CSMD2: variants seen among roughly 807,000 people sequenced by gnomAD.
CSMD2 encodes CUB and sushi domain-containing protein 2.
In CSMD2, 130 loss-of-function variants were observed where a neutral mutation model predicts 398.5. The ratio of observed to expected loss-of-function variants is 0.33; its 90% confidence interval spans 0.28 to 0.38. The LOEUF (loss-of-function observed/expected upper bound fraction) is 0.38, where lower values mean the gene tolerates loss of function less well. Among genes scored for constraint, CSMD2 ranks in the 10% least tolerant of loss-of-function variants. CSMD2 has a pLI of 1.00. For missense variants in CSMD2, 3,829 were observed against 4,764.9 expected (o/e 0.80, Z 5.78); for synonymous variants, 1,828 against 1,908.5 (o/e 0.96, Z 1.10).
At chr1:33,981,811 G>C (rs1646178484) in intron 3 of CSMD2, among the ~76,000 whole-genome samples, 1 of 152,248 alleles carries the variant, frequency 6.6e-6, no homozygotes, top group South Asian at 2.1e-4. Flanking sequence ...GGAGCTGAGA[G>C]CTGAGGAATG....
At chr1:33,894,383 A>G (rs560569700) in intron 5 of CSMD2, among the ~76,000 whole-genome samples, 4 of 152,246 alleles carry the variant, frequency 2.6e-5, no homozygotes, top group East Asian at 1.9e-4. Flanking sequence ...TTTTCCCCCA[A>G]TGCTAGGCCA....
chr1:33,698,766 C>A lies in CSMD2; in HGVS notation c.3912G>T (p.Leu1304=). The change falls in exon 24 of 71, where the codon CTG becomes CTT. Residue 1304 remains leucine, a synonymous_variant. Coordinates refer to ENST00000373381, the MANE Select transcript of CSMD2 (RefSeq NM_001281956.2). ...GAGCCCTCCTACCGACACAGGTGGG[C>A]AGAGGCCGGTCCCAGGTCCGGCGCT... ...SGERRTWDRP[L]PTCVAECGGT... 6.2e-7 allele frequency: 1 copy of A among 1,612,602 alleles called. No homozygotes were observed.
At chr1:33,521,409 G>C (rs913585673) in intron 68 of CSMD2, 54 bp downstream of exon 68, 2 of 1,151,172 alleles carry the variant, frequency 1.7e-6, no homozygotes, top group Admixed American at 3.4e-5. Flanking sequence ...CGGCACACAC[G>C]GTTTCTCTCC....
intron 46 of CSMD2, among the ~76,000 whole-genome samples, chr1:33,584,961 G>A (rs1570827372): frequency 6.6e-6 from 1 of 152,246 alleles, no homozygotes; most frequent in East Asian, 1.9e-4. Context: ...GTTCAGAGAG[G>A]CCCTTCCCCA....
chr1:33,842,880 T>C lies in CSMD2; in HGVS notation c.1033+4004A>G, dbSNP rs570246165. ...GACTGCTGCTTTAGACGCATGGAAG[T>C]AGTTGTGGTTCATTAGATGTGGTAG... On this transcript the variant is annotated intron_variant, in intron 6 of 70. Transcript: ENST00000373381. Among the ~76,000 whole-genome samples, 6 of 152,342 alleles carry C rather than the reference T, an allele frequency of 3.9e-5. No homozygotes were observed. The East Asian group carries it at 7.7e-4, about 20-fold the overall frequency.
intron 19 of CSMD2, among the ~76,000 whole-genome samples, chr1:33,721,645 G>A (rs962854042): frequency 3.9e-4 from 60 of 152,108 alleles, no homozygotes; most frequent in African/African-American, 1.3e-3. Flanking sequence ...TGTGGGAAGC[G>A]GACAATCCTG....
intron 59 of CSMD2, among the ~76,000 whole-genome samples, 186 bp from the exon 60 acceptor site, chr1:33,540,884 G>A (rs1570667598): frequency 1.3e-5 from 2 of 152,126 alleles, no homozygotes; most frequent in South Asian, 4.1e-4. Flanking sequence ...CCTCTCTCAA[G>A]TGTGACAACC....
At chr1:34,102,654 A>G (rs75741436) in intron 1 of CSMD2, among the ~76,000 whole-genome samples, 4,958 of 54,962 alleles carry the variant, frequency 0.09, 72 homozygotes, top group East Asian at 0.23. Flanking sequence ...CCTGTAATCC[A>G]ACCATATCCC....
Position 33,587,186 on chromosome 1 carries a change from G to C in CSMD2, c.6857-18C>G. ...TGGATAAGCTGAAAAGATAAAAGCA[G>C]GCAAGTCAGGGTAAGATCATCATTC... On this transcript the variant is annotated intron_variant, in intron 44 of 70. Transcript: ENST00000373381. The C allele has an allele frequency of 6.4e-7, 1 of 1,572,050 alleles. No homozygotes were observed. Among genetic ancestry groups the C allele is most frequent in the Non-Finnish European group, 8.7e-7 (1 of 1,150,718 alleles).
chr1:34,103,248 GAT>G (rs1305047896), intron 1 of CSMD2, among the ~76,000 whole-genome samples: 1 of 140,946 alleles, frequency 7.1e-6, no homozygotes, highest in Non-Finnish European at 1.5e-5. Context: ...GTGATATAAT[GAT>G]ATGTTTATGT....
chr1:34,038,625 C>T (rs778819187), intron 2 of CSMD2, among the ~76,000 whole-genome samples: 3 of 152,294 alleles, frequency 2.0e-5, no homozygotes, highest in East Asian at 1.9e-4. Flanking sequence ...GAATCCCTAA[C>T]GAGGTTCACA....
chr1:33,819,651 G>A (rs1657877277), intron 9 of CSMD2, 62 bp downstream of exon 9: 11 of 1,529,318 alleles, frequency 7.2e-6, no homozygotes, highest in Non-Finnish European at 9.8e-6. Context: ...TGGGAGCTGG[G>A]CTTCAGCCTC....
At chr1:33,707,327 A>G (rs1645820633) in intron 22 of CSMD2, among the ~76,000 whole-genome samples, 1 of 152,170 alleles carries the variant, frequency 6.6e-6, no homozygotes, top group Non-Finnish European at 1.5e-5. Flanking sequence ...AAGCCTCTGC[A>G]TTGCCCAGCT....
chr1:33,967,535 C>T (rs1003513505), intron 3 of CSMD2, among the ~76,000 whole-genome samples: 1 of 152,224 alleles, frequency 6.6e-6, no homozygotes, highest in African/African-American at 2.4e-5. Context: ...ATCCACGTCC[C>T]CCTCTGCACT....
At position 33,918,145 on chromosome 1, in the gene CSMD2, T is replaced by C. The variant is rs1293283843; in HGVS notation, c.869A>G (p.Glu290Gly). 1 of 1,613,916 alleles carries C rather than the reference T, an allele frequency of 6.2e-7. No individual in the cohort carries two copies. The highest frequency in any genetic ancestry group is 8.5e-7 in the Non-Finnish European group (1 of 1,180,026). ...IALVFIDFQLEDGYDFLEVTG... is the reference protein window; with the variant it reads ...IALVFIDFQLGDGYDFLEVTG... ...GACTTCCAGAAAGTCGTAACCATCC[T>C]CCAGCTGGAAGTCAATAAACACCAG... The change falls in exon 5 of 71, where the codon GAG becomes GGG. Residue 290 changes from glutamate to glycine, a missense_variant. Glu to Gly is a moderately conservative substitution (Grantham distance 98). Around this residue, in one of 5 missense-constraint regions of CSMD2, gnomAD observed 2,001 missense variants for 2,567.1 expected, o/e 0.78. Transcript: ENST00000373381.
At chr1:33,606,255 A>G (rs1409264659) in intron 41 of CSMD2, among the ~76,000 whole-genome samples, 1 of 152,198 alleles carries the variant, frequency 6.6e-6, no homozygotes, top group Admixed American at 6.5e-5. Flanking sequence ...TCCACTCAGG[A>G]AATTGGCAGC....
chr1:33,996,566 T>G (rs1302618106), intron 3 of CSMD2, among the ~76,000 whole-genome samples: 1 of 152,130 alleles, frequency 6.6e-6, no homozygotes. Context: ...TTGCATGGAC[T>G]GGAAGGAAAG....
At chr1:33,898,974 C>T (rs10914810) in intron 5 of CSMD2, among the ~76,000 whole-genome samples, 37,262 of 152,082 alleles carry the variant, frequency 0.25, 4,720 homozygotes, top group South Asian at 0.31. Context: ...TCTTCCTGGT[C>T]GGTGCAAAGG....
At chr1:33,675,440 C>T (rs1199989115) in intron 25 of CSMD2, among the ~76,000 whole-genome samples, 1 of 152,188 alleles carries the variant, frequency 6.6e-6, no homozygotes, top group African/African-American at 2.4e-5. Context: ...AGACCAATAA[C>T]AGGCTCTGAA....
Sources: gnomAD v4.1 joint callset for allele counts (sites outside exome capture counted in the v4.1 genomes callset) on GRCh38, gnomAD v4.1.1 for gene constraint, gnomAD v4.1.1 regional missense constraint, MANE v1.5 for transcripts, NCBI Gene and HGNC (gene_info 2026-07-23, HGNC 2026-07-21) for gene names.